MFHAS1: variants seen among roughly 807,000 people sequenced by gnomAD.
The protein encoded by MFHAS1 is multifunctional ROCO family signaling regulator 1.
A neutral mutation model predicts 70.4 loss-of-function variants in MFHAS1; 50 were observed. The ratio of observed to expected loss-of-function variants is 0.71; its 90% CI spans 0.57 to 0.90. MFHAS1 has a LOEUF of 0.90. Among genes scored for constraint, MFHAS1 ranks in the 40% least tolerant of loss-of-function variants. MFHAS1 has a pLI of 0.00. For synonymous variants in MFHAS1, 952 were observed against 620.0 expected (o/e 1.54, Z -7.96); for missense variants, 1,795 against 1,347.6 (o/e 1.33, Z -5.20).
At chr8:8,874,296 A>C (rs565258740) in intron 1 of MFHAS1, among the ~76,000 whole-genome samples, 2 of 151,692 alleles carry the variant, frequency 1.3e-5, no homozygotes, top group African/African-American at 4.8e-5. Context: ...TTGGTAGACT[A>C]CTATGCTATA....
chr8:8,824,302 T>G (rs1807072769), intron 1 of MFHAS1, among the ~76,000 whole-genome samples: 1 of 152,020 alleles, frequency 6.6e-6, no homozygotes, highest in Admixed American at 6.5e-5. Context: ...CTTAAGCATC[T>G]TAAGAAATAC....
chr8:8,859,186 C>G (rs1446027656), intron 1 of MFHAS1, among the ~76,000 whole-genome samples: 1 of 152,168 alleles, frequency 6.6e-6, no homozygotes, highest in Non-Finnish European at 1.5e-5. Flanking sequence ...AACCCCGTCT[C>G]TACAAAAATT....
intron 1 of MFHAS1, among the ~76,000 whole-genome samples, chr8:8,829,660 G>T (rs1022994374): frequency 2.6e-5 from 4 of 152,192 alleles, no homozygotes; most frequent in Non-Finnish European, 2.9e-5. Flanking sequence ...CAGCCTGGGC[G>T]AAAGAGTGAG....
chr8:8,884,961 CA>C (rs869026415), intron 1 of MFHAS1, among the ~76,000 whole-genome samples: 3 of 150,782 alleles, frequency 2.0e-5, no homozygotes, highest in Non-Finnish European at 3.0e-5. Context: ...CCCACCCCCC[CA>C]AAAAAAAAGT....
In MFHAS1 at chr8:8,877,301, C is replaced by CA. The variant is rs3989409; in HGVS notation, c.2998+12759dup. Among the ~76,000 whole-genome samples the CA allele has an allele frequency of 3.0e-3, 190 of 63,786 alleles. 4 individuals carry two copies. Among genetic ancestry groups the CA allele is most frequent in the African/African-American group, 9.1e-3 (173 of 19,090 alleles). 41.8% of individuals were successfully genotyped at this position (63,786 alleles called of 152,430 possible). On this transcript the variant is annotated intron_variant, in intron 1 of 2. Coordinates refer to ENST00000276282, the MANE Select transcript of MFHAS1 (RefSeq NM_004225.3). Reference sequence around the variant, plus strand: ...TGGGTGACAGAGTGAGACCCTGCCTCAAAAAAAAAAAAAAAAAAACTACGG... The same window carrying CA: ...TGGGTGACAGAGTGAGACCCTGCCTCAAAAAAAAAAAAAAAAAAAACTACGG...
intron 1 of MFHAS1, among the ~76,000 whole-genome samples, chr8:8,857,911 T>C (rs1808505089): frequency 1.3e-5 from 2 of 152,258 alleles, no homozygotes; most frequent in African/African-American, 4.8e-5. Flanking sequence ...CACTTGTTGA[T>C]ACATTTTGCT....
At chr8:8,808,477 T>C (rs1369952089) in intron 1 of MFHAS1, among the ~76,000 whole-genome samples, 1 of 152,232 alleles carries the variant, frequency 6.6e-6, no homozygotes, top group African/African-American at 2.4e-5. Flanking sequence ...AGAGTAGTGA[T>C]GCTGGCGATT....
chr8:8,799,799 AT>A, intron 1 of MFHAS1, among the ~76,000 whole-genome samples: 1 of 152,250 alleles, frequency 6.6e-6, no homozygotes, highest in Non-Finnish European at 1.5e-5. Flanking sequence ...TAAATGTCTC[AT>A]CCCCCGCAAA....
intron 1 of MFHAS1, among the ~76,000 whole-genome samples, chr8:8,841,231 T>C (rs1303113415): frequency 1.3e-5 from 2 of 152,138 alleles, no homozygotes; most frequent in East Asian, 1.9e-4. Context: ...TCCTAGCACT[T>C]TGGGAGGCCG....
At chr8:8,808,043 A>G (rs1437364519) in intron 1 of MFHAS1, among the ~76,000 whole-genome samples, 1 of 152,254 alleles carries the variant, frequency 6.6e-6, no homozygotes, top group Non-Finnish European at 1.5e-5. Flanking sequence ...TTCTAGTAGC[A>G]TGATGAAATC....
chr8:8,792,974 C>A (rs1482200527), intron 2 of MFHAS1, among the ~76,000 whole-genome samples: 2 of 152,150 alleles, frequency 1.3e-5, no homozygotes, highest in Non-Finnish European at 2.9e-5. Flanking sequence ...ATATTCAAAG[C>A]ATGGAAATGA....
At position 8,784,414 on chromosome 8, in the gene MFHAS1, A is replaced by T. The variant is rs1805463603; in HGVS notation, c.*1608T>A. 1 of 152,184 alleles carries T rather than the reference A, an allele frequency of 6.6e-6. No homozygotes were observed. The highest frequency in any genetic ancestry group is 6.5e-5 in the Admixed American group (1 of 15,278). The allele number at this position is 152,184 out of a possible 1,614,324, so 9.4% of individuals were successfully genotyped here. ...ACTTGAGGTGTCCTATTCAAGTATT[A>T]AAAAAATGCAAACATCGTCTGATCC... On this transcript the variant is annotated 3_prime_UTR_variant, in exon 3 of 3. Coordinates refer to ENST00000276282, the MANE Select transcript of MFHAS1 (RefSeq NM_004225.3).
At chr8:8,851,795 C>G (rs1038718953) in intron 1 of MFHAS1, among the ~76,000 whole-genome samples, 6 of 152,016 alleles carry the variant, frequency 3.9e-5, no homozygotes, top group African/African-American at 1.2e-4. Flanking sequence ...TAATAGTAAA[C>G]TAAGGTACAT....
At chr8:8,813,307 C>T (rs1354185825) in intron 1 of MFHAS1, among the ~76,000 whole-genome samples, 2 of 151,830 alleles carry the variant, frequency 1.3e-5, no homozygotes, top group Admixed American at 6.5e-5. Context: ...TATGTGCTTA[C>T]TATACTATAC....
At chr8:8,786,641 T>C (rs191347022) in intron 2 of MFHAS1, among the ~76,000 whole-genome samples, 22 of 151,482 alleles carry the variant, frequency 1.5e-4, no homozygotes, top group Non-Finnish European at 2.5e-4. Context: ...GGAAAAAATA[T>C]CAAGTGTTTT....
chr8:8,841,391 C>T (rs1017708557), intron 1 of MFHAS1, among the ~76,000 whole-genome samples: 1 of 151,812 alleles, frequency 6.6e-6, no homozygotes, highest in Non-Finnish European at 1.5e-5. Context: ...AGGAGAATCG[C>T]TTGAACCCAG....
In MFHAS1 at chr8:8,891,916, G is replaced by T. The variant is rs147767530; in HGVS notation, c.1143C>A (p.Pro381=). 3 of 1,610,702 alleles carry T rather than the reference G, an allele frequency of 1.9e-6. No homozygotes were observed. Among genetic ancestry groups the T allele is most frequent in the Non-Finnish European group, 2.5e-6 (3 of 1,178,192 alleles). The part of the protein sequence containing the change: ...KIKDNPLIQP[P]YEVCMKGIPY... ...GGATCCCCTTCATGCAGACCTCGTA[G>T]GGGGGCTGGATCAGTGGGTTGTCTT... is the stretch of plus-strand genomic sequence containing the variant. Residue 381 remains proline (P), a synonymous_variant, in exon 1 of 3, where the codon CCC becomes CCA. Transcript: ENST00000276282. The surrounding 1 kb of genome is among the most constrained non-coding windows in gnomAD (Gnocchi z 5.4).
chr8:8,874,838 A>C (rs1335466628), intron 1 of MFHAS1, among the ~76,000 whole-genome samples: 1 of 152,136 alleles, frequency 6.6e-6, no homozygotes, highest in Non-Finnish European at 1.5e-5. Flanking sequence ...AAATGCCTTA[A>C]GTATGATAGA....
intron 1 of MFHAS1, among the ~76,000 whole-genome samples, chr8:8,849,563 G>C (rs1028090095): frequency 2.0e-5 from 3 of 152,170 alleles, no homozygotes; most frequent in African/African-American, 7.2e-5. Flanking sequence ...TTGCAAATTA[G>C]ACCTTCACAG....
Sources: allele counts gnomAD v4.1 joint callset (sites outside exome capture counted in the v4.1 genomes callset), GRCh38; gene constraint gnomAD v4.1.1; non-coding constraint Gnocchi (gnomAD v3.1); transcripts MANE v1.5; gene names NCBI Gene and HGNC (gene_info 2026-07-23, HGNC 2026-07-21).